SLC24A2: variants seen among roughly 807,000 people sequenced by gnomAD.
SLC24A2 encodes the protein sodium/potassium/calcium exchanger 2.
A neutral mutation model predicts 62.0 loss-of-function variants in SLC24A2; 36 were observed. That is an observed-to-expected ratio of 0.58 (90% CI 0.44 to 0.77). The LOEUF is 0.77. Ranked by LOEUF, SLC24A2 falls within the 30% of genes least tolerant of loss-of-function variation. The pLI, the probability that SLC24A2 is intolerant of heterozygous loss-of-function variation, is 0.00. For missense variants in SLC24A2, 846 were observed against 817.9 expected, an observed-to-expected ratio of 1.03 and a Z score of -0.42; for synonymous variants, 358 against 294.0, an observed-to-expected ratio of 1.22 and a Z score of -2.23.
At chr9:20,004,686 G>A in the SLC24A2 span, among the ~76,000 whole-genome samples, 1 of 152,090 alleles carries the variant, frequency 6.6e-6, no homozygotes, top group East Asian at 1.9e-4. Flanking sequence ...ATTTGGTTTT[G>A]TATATGTGTT....
chr9:19,545,174 G>A (rs910997888), intron 8 of SLC24A2, among the ~76,000 whole-genome samples: 46 of 151,456 alleles, frequency 3.0e-4, no homozygotes, highest in African/African-American at 1.1e-3. Flanking sequence ...ATTTCATTAA[G>A]TTGATCTTCA....
At chr9:20,224,364 T>A in the SLC24A2 span, among the ~76,000 whole-genome samples, 3 of 151,866 alleles carry the variant, frequency 2.0e-5, no homozygotes, top group Admixed American at 6.6e-5. Context: ...TTGAATACTA[T>A]CAGAGAAATT....
the SLC24A2 span, among the ~76,000 whole-genome samples, chr9:20,221,397 AG>A: frequency 2.0e-5 from 3 of 152,124 alleles, no homozygotes; most frequent in Admixed American, 2.0e-4. Context: ...GAAAAAGAAA[AG>A]AAAGTTACCA....
chr9:19,875,666 C>T, the SLC24A2 span, among the ~76,000 whole-genome samples: 1 of 152,192 alleles, frequency 6.6e-6, no homozygotes, highest in Non-Finnish European at 1.5e-5. Flanking sequence ...TTATGAAGTA[C>T]AGGCCTGCAC....
At chr9:19,730,001 T>A (rs1235533202) in intron 2 of SLC24A2, among the ~76,000 whole-genome samples, 1 of 152,138 alleles carries the variant, frequency 6.6e-6, no homozygotes, top group African/African-American at 2.4e-5. Context: ...ACCATTATCA[T>A]TTGTCAATTG....
chr9:20,242,625 G>T, the SLC24A2 span, among the ~76,000 whole-genome samples: 2 of 152,126 alleles, frequency 1.3e-5, no homozygotes, highest in Non-Finnish European at 1.5e-5. Context: ...GGATGTGTCG[G>T]ATTTTATCTT....
chr9:20,291,994 G>T, the SLC24A2 span, among the ~76,000 whole-genome samples: 2 of 152,014 alleles, frequency 1.3e-5, no homozygotes, highest in East Asian at 1.9e-4. Context: ...GACTAGAAAG[G>T]GTGTCAGGTG....
At chr9:20,175,620 C>A in the SLC24A2 span, among the ~76,000 whole-genome samples, 9 of 152,068 alleles carry the variant, frequency 5.9e-5, 1 homozygote, top group Admixed American at 5.9e-4. Context: ...AAAGTGCTCT[C>A]TGTGGCTTGA....
chr9:19,956,227 A>C, the SLC24A2 span, among the ~76,000 whole-genome samples: 3 of 152,248 alleles, frequency 2.0e-5, no homozygotes, highest in African/African-American at 7.2e-5. Context: ...GTACCTTCAC[A>C]GGGTCAAGAG....
intron 2 of SLC24A2, among the ~76,000 whole-genome samples, chr9:19,695,595 G>C (rs538145328): frequency 1.4e-5 from 2 of 143,134 alleles, no homozygotes; most frequent in South Asian, 4.7e-4. Context: ...AATTCTGCTT[G>C]TAGGGATTTG....
At chr9:20,058,808 T>C in the SLC24A2 span, among the ~76,000 whole-genome samples, 1 of 152,238 alleles carries the variant, frequency 6.6e-6, no homozygotes, top group Non-Finnish European at 1.5e-5. Flanking sequence ...CGTATGTGTG[T>C]ACAGTTTTCC....
the SLC24A2 span, among the ~76,000 whole-genome samples, chr9:20,276,758 T>A: frequency 5.3e-5 from 8 of 152,188 alleles, no homozygotes; most frequent in Non-Finnish European, 1.2e-4. Flanking sequence ...AGGCGGAGGT[T>A]CCCAAACCTC....
chr9:19,811,968 A>C, the SLC24A2 span, among the ~76,000 whole-genome samples: 4 of 152,104 alleles, frequency 2.6e-5, no homozygotes, highest in African/African-American at 9.7e-5. Flanking sequence ...TGCTGATAAA[A>C]ATTCTGTTTT....
At chr9:19,835,655 T>C in the SLC24A2 span, among the ~76,000 whole-genome samples, 1 of 152,142 alleles carries the variant, frequency 6.6e-6, no homozygotes, top group Non-Finnish European at 1.5e-5. Flanking sequence ...CTGTCAACAT[T>C]AGACAGATCA....
the SLC24A2 span, among the ~76,000 whole-genome samples, chr9:19,890,734 T>A: frequency 6.6e-6 from 1 of 152,060 alleles, no homozygotes; most frequent in Non-Finnish European, 1.5e-5. Flanking sequence ...TGGTCTTGAA[T>A]TCCTGGACTC....
chr9:20,250,795 T>A, the SLC24A2 span, among the ~76,000 whole-genome samples: 1 of 152,204 alleles, frequency 6.6e-6, no homozygotes, highest in African/African-American at 2.4e-5. Flanking sequence ...TATTTAATAC[T>A]ATGTAGCCTA....
the SLC24A2 span, among the ~76,000 whole-genome samples, chr9:20,300,913 C>A: frequency 1.3e-5 from 2 of 152,162 alleles, no homozygotes; most frequent in South Asian, 2.1e-4. Flanking sequence ...TGTTGCAAAC[C>A]CTTTTGTCAT....
At chr9:19,757,044 G>C (rs750991744) in intron 2 of SLC24A2, among the ~76,000 whole-genome samples, 1 of 150,756 alleles carries the variant, frequency 6.6e-6, no homozygotes, top group Admixed American at 6.7e-5. Context: ...AAAAGCATTA[G>C]GGTTACAGGT....
At chr9:19,858,158 C>T in the SLC24A2 span, among the ~76,000 whole-genome samples, 3 of 152,096 alleles carry the variant, frequency 2.0e-5, no homozygotes, top group African/African-American at 2.4e-5. Flanking sequence ...AAAACAGACA[C>T]GTAGACCAAT....
Sources: gnomAD v4.1 joint callset for allele counts (sites outside exome capture counted in the v4.1 genomes callset) on GRCh38, gnomAD v4.1.1 for gene constraint, MANE v1.5 for transcripts, NCBI Gene and HGNC (gene_info 2026-07-23, HGNC 2026-07-21) for gene names.